Variants in PRR5L observed in about 807,000 individuals in gnomAD.
PRR5L encodes proline rich 5 like.
PRR5L carries 21 observed loss-of-function variants against 36.4 expected under a neutral mutation model. That is an observed-to-expected ratio of 0.58 (90% CI 0.41 to 0.83). PRR5L has a LOEUF of 0.83. Ranked by LOEUF, PRR5L falls within the 40% of genes least tolerant of loss-of-function variation. PRR5L has a pLI of 0.00. For missense variants in PRR5L, 381 were observed against 473.3 expected, an observed-to-expected ratio of 0.80 and a Z score of 1.81; for synonymous variants, 188 against 197.0, an observed-to-expected ratio of 0.95 and a Z score of 0.38.
chr11:36,310,731 G>A (rs1856491633), intron 1 of PRR5L, among the ~76,000 whole-genome samples: 1 of 152,124 alleles, frequency 6.6e-6, no homozygotes, highest in Non-Finnish European at 1.5e-5. Context: ...GGGTGTGGTG[G>A]CTCACGCCTG....
chr11:36,448,836 A>G (rs1453876590), intron 7 of PRR5L, among the ~76,000 whole-genome samples: 1 of 152,152 alleles, frequency 6.6e-6, no homozygotes, highest in Non-Finnish European at 1.5e-5. Context: ...ATGGAGGTTC[A>G]GAGAAGGTGG....
In PRR5L at chr11:36,426,827, A is replaced by G. The variant is rs78518475; in HGVS notation, c.295-5026A>G. 5.9e-5 allele frequency among the ~76,000 whole-genome samples: 9 copies of G among 152,334 alleles called. No individual in the cohort carries two copies. The East Asian group carries it at 1.7e-3, about 29-fold the overall frequency. ...AAAAGGGACGGTAGCTAGCAGCCTT[A>G]GTGTTTACAGAATTCCTGCTTCCTG... is the stretch of plus-strand genomic sequence containing the variant. On this transcript the variant is annotated intron_variant, in intron 4 of 8. Transcript: ENST00000530639.
chr11:36,462,521 GA>G lies in PRR5L; in HGVS notation c.893del (p.Asp298AlafsTer10), dbSNP rs2133642369. On this transcript the variant is annotated frameshift_variant, in exon 9 of 9. Transcript: ENST00000530639. LOFTEE classifies it high-confidence loss of function. ...GCACACGGTGGCCAATGCCCACTCGGACATCCAGCTGCTGGCCATGGCCACC... is the reference window on the plus strand; with the variant it reads ...GCACACGGTGGCCAATGCCCACTCGGCATCCAGCTGCTGGCCATGGCCACC... ...RRHTVANAHS[D>X]IQLLAMATMM... is the part of the protein sequence containing the mutation. The G allele has an allele frequency of 6.2e-7, 1 of 1,608,774 alleles. No homozygotes were observed. The highest frequency in any genetic ancestry group is 8.5e-7 in the Non-Finnish European group (1 of 1,177,206).
intron 1 of PRR5L, among the ~76,000 whole-genome samples, chr11:36,310,706 A>G (rs1052924275): frequency 6.6e-6 from 1 of 152,148 alleles, no homozygotes; most frequent in Non-Finnish European, 1.5e-5. Flanking sequence ...CTGGTTAAGA[A>G]TGTTCTCAGG....
intron 3 of PRR5L, among the ~76,000 whole-genome samples, chr11:36,413,827 G>C (rs1858080765): frequency 1.4e-5 from 2 of 147,150 alleles, no homozygotes; most frequent in Admixed American, 6.8e-5. Context: ...TCGTCATTTA[G>C]CATTAGGTAT....
intron 4 of PRR5L, among the ~76,000 whole-genome samples, chr11:36,423,898 G>A (rs908765070): frequency 2.0e-5 from 3 of 152,172 alleles, no homozygotes; most frequent in African/African-American, 7.2e-5. Flanking sequence ...GAGAATGAGG[G>A]GGAGCCAGAC....
chr11:36,310,888 T>A (rs1185916627), intron 1 of PRR5L, among the ~76,000 whole-genome samples: 2 of 149,570 alleles, frequency 1.3e-5, no homozygotes. Context: ...TCCCAGCTAC[T>A]CGGGAGGCCA....
chr11:36,341,133 A>T (rs575784359), intron 1 of PRR5L, among the ~76,000 whole-genome samples: 2 of 152,312 alleles, frequency 1.3e-5, no homozygotes, highest in South Asian at 4.1e-4. Context: ...CTTTATGCCA[A>T]TATCCACGGT....
chr11:36,415,427 C>A (rs1235472079), intron 3 of PRR5L, among the ~76,000 whole-genome samples: 1 of 152,198 alleles, frequency 6.6e-6, no homozygotes, highest in Non-Finnish European at 1.5e-5. Context: ...CAACCCAGTG[C>A]TTCTTTACAT....
chr11:36,403,535 G>A (rs1030613910), intron 3 of PRR5L, among the ~76,000 whole-genome samples, 157 bp downstream of exon 3: 39 of 149,286 alleles, frequency 2.6e-4, no homozygotes, highest in African/African-American at 8.3e-4. Flanking sequence ...TGGCTGTTGC[G>A]TTCTGAGACC....
rs577679708 is a variant in PRR5L at position 36,422,453 on chromosome 11, G to A, written c.294+3150G>A. Among the ~76,000 whole-genome samples, 6 of 152,270 alleles carry A rather than the reference G, an allele frequency of 3.9e-5. No individual in the cohort carries two copies. The East Asian group carries it at 7.7e-4, about 20-fold the overall frequency. On this transcript the variant is annotated intron_variant, in intron 4 of 8. Transcript: ENST00000530639. Reference sequence around the variant, plus strand: ...GGAAAGGTGAAAGATGGGCTTCCTGGGTGCTGGGCTCTGCATTGCAGAGGC... The same window carrying A: ...GGAAAGGTGAAAGATGGGCTTCCTGAGTGCTGGGCTCTGCATTGCAGAGGC...
At chr11:36,455,826 C>CT (rs1175091056) in intron 8 of PRR5L, among the ~76,000 whole-genome samples, 3 of 152,340 alleles carry the variant, frequency 2.0e-5, no homozygotes, top group South Asian at 2.1e-4. Context: ...AGCTGACGCA[C>CT]TTGTCTGAGG....
At chr11:36,442,664 C>CT (rs1858746725) in intron 6 of PRR5L, among the ~76,000 whole-genome samples, 1 of 150,896 alleles carries the variant, frequency 6.6e-6, no homozygotes, top group Non-Finnish European at 1.5e-5. Context: ...ACCAGATACT[C>CT]TAAGTCATCA....
intron 2 of PRR5L, among the ~76,000 whole-genome samples, chr11:36,401,593 T>G (rs1004059735): frequency 6.6e-6 from 1 of 151,628 alleles, no homozygotes; most frequent in African/African-American, 2.4e-5. Context: ...CCCAGCTAAT[T>G]AAAAAAGCAA....
At chr11:36,320,851 G>A (rs1856608007) in intron 1 of PRR5L, among the ~76,000 whole-genome samples, 1 of 152,112 alleles carries the variant, frequency 6.6e-6, no homozygotes, top group African/African-American at 2.4e-5. Context: ...ATTGTTGTGT[G>A]GATTAAATGA....
At chr11:36,371,310 C>T (rs1425284756) in intron 1 of PRR5L, among the ~76,000 whole-genome samples, 1 of 152,226 alleles carries the variant, frequency 6.6e-6, no homozygotes, top group East Asian at 1.9e-4. Context: ...ACTGATTTTA[C>T]ACCCTGGTGT....
intron 3 of PRR5L, among the ~76,000 whole-genome samples, chr11:36,413,846 A>C (rs1161459378): frequency 7.3e-6 from 1 of 136,990 alleles, no homozygotes; most frequent in Non-Finnish European, 1.6e-5. Flanking sequence ...ATATCTCCTA[A>C]TGCTATCCCT....
intron 1 of PRR5L, among the ~76,000 whole-genome samples, chr11:36,384,930 T>C (rs12805695): frequency 0.17 from 25,998 of 151,736 alleles, 2,718 homozygotes; most frequent in East Asian, 0.46. Context: ...TTTGGCCTCC[T>C]AAATTGCTGG....
At chr11:36,346,161 A>T (rs969675220) in intron 1 of PRR5L, among the ~76,000 whole-genome samples, 4 of 152,062 alleles carry the variant, frequency 2.6e-5, no homozygotes, top group Non-Finnish European at 5.9e-5. Context: ...TTTTGTAGAG[A>T]TGGGGCCTTA....
Sources: gnomAD v4.1 joint callset for allele counts (sites outside exome capture counted in the v4.1 genomes callset) on GRCh38, gnomAD v4.1.1 for gene constraint, MANE v1.5 for transcripts, NCBI Gene and HGNC (gene_info 2026-07-23, HGNC 2026-07-21) for gene names.